XRN1: variants seen among roughly 807,000 people sequenced by gnomAD.
XRN1 encodes the protein 5'-3' exoribonuclease 1.
Under a neutral mutation model 222.3 loss-of-function variants are expected in XRN1, and 67 were observed. The ratio of observed to expected loss-of-function variants is 0.30; its 90% CI spans 0.25 to 0.37. The LOEUF is 0.37. Among genes scored for constraint, XRN1 ranks in the 10% least tolerant of loss-of-function variants. The pLI is 1.00. For synonymous variants in XRN1, 643 were observed against 652.4 expected (o/e 0.99, Z 0.22); for missense variants, 1,707 against 2,000.2 (o/e 0.85, Z 2.80).
chr3:142,360,194 TG>T, intron 29 of XRN1, among the ~76,000 whole-genome samples: 1 of 152,326 alleles, frequency 6.6e-6, no homozygotes, highest in East Asian at 1.9e-4. Context: ...TGATTCCTTA[TG>T]TTTCTTTATA....
chr3:142,354,410 C>T (rs115024122), intron 32 of XRN1, among the ~76,000 whole-genome samples: 16 of 152,316 alleles, frequency 1.1e-4, no homozygotes, highest in Non-Finnish European at 2.1e-4. Flanking sequence ...TTCGACCCAG[C>T]AATCCCATTG....
At chr3:142,364,127 C>G (rs1198876540) in intron 29 of XRN1, among the ~76,000 whole-genome samples, 1 of 152,208 alleles carries the variant, frequency 6.6e-6, no homozygotes, top group Non-Finnish European at 1.5e-5. Flanking sequence ...ACACCCACCC[C>G]TTGGGTGATA....
chr3:142,440,709 T>C (rs1176344747), intron 1 of XRN1, among the ~76,000 whole-genome samples: 1 of 152,160 alleles, frequency 6.6e-6, no homozygotes, highest in Non-Finnish European at 1.5e-5. Flanking sequence ...TGTTCCTCTA[T>C]ACCCAGCTGT....
intron 32 of XRN1, among the ~76,000 whole-genome samples, chr3:142,349,997 G>T (rs1416340053): frequency 6.6e-6 from 1 of 152,072 alleles, no homozygotes; most frequent in Admixed American, 6.6e-5. Context: ...GGAACAAAAA[G>T]AACACATAAC....
intron 37 of XRN1, among the ~76,000 whole-genome samples, chr3:142,322,576 C>G (rs1419986711): frequency 6.6e-6 from 1 of 152,088 alleles, no homozygotes; most frequent in South Asian, 2.1e-4. Flanking sequence ...GTCCCAGCTA[C>G]TCAGGAGGCA....
intron 30 of XRN1, among the ~76,000 whole-genome samples, chr3:142,357,677 C>T (rs1042781897): frequency 4.6e-5 from 7 of 152,056 alleles, no homozygotes; most frequent in African/African-American, 1.7e-4. Flanking sequence ...ACCCTCCATC[C>T]TTAGCCTCCC....
chr3:142,339,181 G>A (rs1179854522), intron 33 of XRN1, among the ~76,000 whole-genome samples: 1 of 152,144 alleles, frequency 6.6e-6, no homozygotes, highest in African/African-American at 2.4e-5. Flanking sequence ...CCCAGTGGTG[G>A]TGGCCACAGG....
At chr3:142,432,439 C>T (rs945878411) in intron 2 of XRN1, among the ~76,000 whole-genome samples, 3 of 150,562 alleles carry the variant, frequency 2.0e-5, no homozygotes, top group Non-Finnish European at 4.4e-5. Context: ...AACAAACAAA[C>T]GAACAAGAGA....
At chr3:142,412,071 G>A (rs372625365) in intron 15 of XRN1, among the ~76,000 whole-genome samples, 5 of 151,984 alleles carry the variant, frequency 3.3e-5, no homozygotes, top group Admixed American at 1.3e-4. Flanking sequence ...TGATCTGCCC[G>A]CCTCAGCCTC....
chr3:142,414,704 C>T (rs2068718749), intron 13 of XRN1, among the ~76,000 whole-genome samples: 1 of 152,164 alleles, frequency 6.6e-6, no homozygotes, highest in African/African-American at 2.4e-5. Flanking sequence ...ACCTTGTTAG[C>T]CAGGATGGTC....
At position 142,307,124 on chromosome 3, in the gene XRN1, C is replaced by T. The variant is rs1213138013; in HGVS notation, c.*4387G>A. 1 of 151,938 alleles carries T rather than the reference C, an allele frequency of 6.6e-6. No homozygotes were observed. The highest frequency in any genetic ancestry group is 1.5e-5 in the Non-Finnish European group (1 of 67,956). The allele number at this position is 151,938 out of a possible 1,614,324, so 9.4% of individuals were successfully genotyped here. On this transcript the variant is annotated 3_prime_UTR_variant, in exon 41 of 41. Coordinates refer to ENST00000392981, the MANE Select transcript of XRN1 (RefSeq NM_001282857.2). ...AAATATGATACTTAAAGCCAAAAGA[C>T]AAAAAAATCCAAAAAACGAAAACAA... is the stretch of plus-strand genomic sequence containing the variant.
At chr3:142,423,411 T>C in intron 6 of XRN1, 149 bp downstream of exon 6, 1 of 492,382 alleles carries the variant, frequency 2.0e-6, no homozygotes, top group South Asian at 6.0e-5. Context: ...TATAACAAAA[T>C]TAAAAACGTT....
rs370462176 is a variant in XRN1 at position 142,414,705 on chromosome 3, C to T, written c.1437-414G>A. ...AGAGACGGGGTTTCACCTTGTTAGC[C>T]AGGATGGTCTCAATCTCCTGATCTC... is the stretch of plus-strand genomic sequence containing the variant. On this transcript the variant is annotated intron_variant, in intron 13 of 40. Coordinates refer to ENST00000392981, the MANE Select transcript of XRN1 (RefSeq NM_001282857.2). 1.6e-4 allele frequency among the ~76,000 whole-genome samples: 24 copies of T among 152,172 alleles called. 1 individual carries two copies. Among genetic ancestry groups the T allele is most frequent in the African/African-American group, 5.5e-4 (23 of 41,518 alleles).
intron 2 of XRN1, among the ~76,000 whole-genome samples, chr3:142,431,875 T>TATATATTATATATAATATATATATTA (rs1553744626): frequency 2.5e-4 from 8 of 32,102 alleles, no homozygotes; most frequent in African/African-American, 1.1e-3. Flanking sequence ...ATATATTATA[T>TATATATTATATATAATATATATATTA]TATATATATT....
At chr3:142,373,110 AAC>A (rs2067034551) in intron 25 of XRN1, among the ~76,000 whole-genome samples, 1 of 152,238 alleles carries the variant, frequency 6.6e-6, no homozygotes, top group Admixed American at 6.5e-5. Flanking sequence ...GAAAACAGAA[AAC>A]ACAAAAAATA....
chr3:142,386,020 A>T (rs1188130989), intron 20 of XRN1, among the ~76,000 whole-genome samples: 1 of 151,706 alleles, frequency 6.6e-6, no homozygotes, highest in African/African-American at 2.4e-5. Context: ...ATTTTTTCAC[A>T]TCAGCTTATA....
chr3:142,343,568 A>G (rs1334651324), intron 33 of XRN1, among the ~76,000 whole-genome samples: 1 of 152,230 alleles, frequency 6.6e-6, no homozygotes. Context: ...CTTTTATCCA[A>G]AAGATAGGGA....
Position 142,313,164 on chromosome 3 carries a change from G to A in XRN1, c.4622-406C>T, listed in dbSNP as rs1577199501. ...CCCCCAATGCATAGTTGCTTCCATA[G>A]TGATCCCAGCCTACAAAAAAACCAA... On this transcript the variant is annotated intron_variant, in intron 39 of 40. Transcript: ENST00000392981. 3 of 1,612,934 alleles carry A rather than the reference G, an allele frequency of 1.9e-6. No homozygotes were observed. The African/African-American group carries it at 4.0e-5, about 22-fold the overall frequency.
At chr3:142,411,136 A>G (rs1156998671) in intron 15 of XRN1, among the ~76,000 whole-genome samples, 1 of 152,202 alleles carries the variant, frequency 6.6e-6, no homozygotes, top group Non-Finnish European at 1.5e-5. Context: ...TTTGACCATA[A>G]CATTCCTTAA....
Sources: allele counts gnomAD v4.1 joint callset (sites outside exome capture counted in the v4.1 genomes callset), GRCh38; gene constraint gnomAD v4.1.1; transcripts MANE v1.5; gene names NCBI Gene and HGNC (gene_info 2026-07-23, HGNC 2026-07-21).